Variants in NELFB observed in about 807,000 individuals in gnomAD.
NELFB encodes the protein negative elongation factor B.
A neutral mutation model predicts 60.2 loss-of-function variants in NELFB; 34 were observed. That is an observed-to-expected ratio of 0.56 (90% CI 0.43 to 0.75). The LOEUF is 0.75. NELFB is among the 30% of genes least tolerant of loss of function. The pLI is 0.00. For synonymous variants in NELFB, 459 were observed against 382.1 expected (o/e 1.20, Z -2.35); for missense variants, 770 against 831.6 (o/e 0.93, Z 0.91).
Position 137,256,961 on chromosome 9 carries a change from C to A in NELFB, c.648C>A (p.Tyr216Ter). Residue 216 changes from tyrosine to a stop codon, truncating the protein, a stop_gained, in exon 4 of 13, where the codon TAC (tyrosine) becomes TAA (stop). Coordinates refer to ENST00000343053, the MANE Select transcript of NELFB (RefSeq NM_015456.5). LOFTEE classifies it high-confidence loss of function. ...AGGTTTCCCCACTCCTGAAGCAGTA[C>A]ATCCTGGAGAAGGAGAGCGCTCTCT... 1 of 1,614,186 alleles carries A rather than the reference C, an allele frequency of 6.2e-7. No homozygotes were observed. The highest frequency in any genetic ancestry group is 1.1e-5 in the South Asian group (1 of 91,090).
At position 137,267,051 on chromosome 9, in the gene NELFB, C is replaced by T; in HGVS notation, c.1347C>T (p.Val449=). 1 of 1,614,106 alleles carries T rather than the reference C, an allele frequency of 6.2e-7. No homozygotes were observed. Among genetic ancestry groups the T allele is most frequent in the Non-Finnish European group, 8.5e-7 (1 of 1,180,020 alleles). Residue 449 remains valine, a synonymous_variant, in exon 9 of 13, where the codon GTC becomes GTT. Coordinates refer to ENST00000343053, the MANE Select transcript of NELFB (RefSeq NM_015456.5). ...TTCCGGCTGAGGAGAAAGCCCCAGT[C>T]TCATATCCAAACACACTTCCCGAAA...
Position 137,263,145 on chromosome 9 carries a change from A to G in NELFB, c.850A>G (p.Thr284Ala), listed in dbSNP as rs756259104. ...GCGCACGCGGAATGTGCACTACTGC[A>G]CGCTGCGGGCTGAGCTGCTCATGTC... The change falls in exon 5 of 13, where the codon ACG becomes GCG. Residue 284 changes from threonine to alanine, a missense_variant. Thr to Ala is a moderately conservative substitution (Grantham distance 58, BLOSUM62 0). Transcript: ENST00000343053. The G allele has an allele frequency of 1.9e-6, 3 of 1,614,082 alleles. No homozygotes were observed. The highest frequency in any genetic ancestry group is 3.3e-5 in the Admixed American group (2 of 60,030).
At chr9:137,258,229 T>C (rs1471487624) in intron 4 of NELFB, among the ~76,000 whole-genome samples, 3 of 145,312 alleles carry the variant, frequency 2.1e-5, no homozygotes, top group Non-Finnish European at 4.5e-5. Context: ...ACTCAAGCAA[T>C]CCTCCTACCT....
chr9:137,257,302 C>T (rs1250232055), intron 4 of NELFB, among the ~76,000 whole-genome samples: 6 of 152,212 alleles, frequency 3.9e-5, no homozygotes, highest in African/African-American at 1.2e-4. Flanking sequence ...AAAGCCCGCT[C>T]ATGTGAAGTT....
At chr9:137,272,402 C>T in intron 11 of NELFB, 105 bp from the exon 12 acceptor site, 3 of 1,441,070 alleles carry the variant, frequency 2.1e-6, no homozygotes, top group Admixed American at 2.2e-5. Context: ...GTCCCAAAGG[C>T]TGGCCATGTC....
At position 137,258,623 on chromosome 9, in the gene NELFB, A is replaced by AT. The variant is rs541963957; in HGVS notation, c.741+1576dup. 3.5e-3 allele frequency among the ~76,000 whole-genome samples: 528 copies of AT among 150,784 alleles called. 5 individuals carry two copies. Among genetic ancestry groups the AT allele is most frequent in the African/African-American group, 0.013 (518 of 40,996 alleles). On this transcript the variant is annotated intron_variant, in intron 4 of 12. Coordinates refer to ENST00000343053, the MANE Select transcript of NELFB (RefSeq NM_015456.5). ...CCCACCATGCCTGGCTAATTTTTTT[A>AT]TTTTTTTGTTTAGTACAGACAGGGT...
Position 137,265,987 on chromosome 9 carries a change from T to C in NELFB, c.1143+8T>C. On this transcript the variant is annotated splice_region_variant and intron_variant, in intron 7 of 12. Coordinates refer to ENST00000343053, the MANE Select transcript of NELFB (RefSeq NM_015456.5). Reference sequence around the variant, plus strand: ...CAGGAGACACTGCCCAGGGTGAGTGTGGGCTTGGCCAGCAGCTGTCGGGGC... The same window carrying C: ...CAGGAGACACTGCCCAGGGTGAGTGCGGGCTTGGCCAGCAGCTGTCGGGGC... 6.2e-7 allele frequency: 1 copy of C among 1,603,842 alleles called. No homozygotes were observed. The highest frequency in any genetic ancestry group is 2.2e-5 in the East Asian group (1 of 44,820).
chr9:137,261,331 C>A (rs142526308), intron 4 of NELFB, among the ~76,000 whole-genome samples: 3 of 130,816 alleles, frequency 2.3e-5, no homozygotes, highest in Admixed American at 1.7e-4. Flanking sequence ...CAGAGCACGA[C>A]TCGGTTTCAA....
chr9:137,259,279 G>A (rs1013959645), intron 4 of NELFB, among the ~76,000 whole-genome samples: 3 of 152,224 alleles, frequency 2.0e-5, no homozygotes, highest in Admixed American at 2.0e-4. Flanking sequence ...CATGCTTAGA[G>A]CCCATCTGAA....
In NELFB at chr9:137,266,240, G is replaced by C. The variant is rs575623861; in HGVS notation, c.1144-91G>C. The C allele has an allele frequency of 1.0e-4, 117 of 1,160,548 alleles. 1 individual carries two copies. The East Asian group carries it at 1.4e-3, about 14-fold the overall frequency. 71.9% of individuals were successfully genotyped at this position (1,160,548 alleles called of 1,614,324 possible). A position where few individuals can be genotyped will look rare whatever the true frequency, so the allele number is the denominator to read the frequency against. The stretch of plus-strand genomic sequence containing the variant: ...CGTGTGGTCCTGGCCATGGGCACCA[G>C]AGATCCTGCTGAGTAACGAGTAGGG... On this transcript the variant is annotated intron_variant, in intron 7 of 12. Coordinates refer to ENST00000343053, the MANE Select transcript of NELFB (RefSeq NM_015456.5).
chr9:137,256,601 G>T (rs150838037), intron 3 of NELFB, among the ~76,000 whole-genome samples, 173 bp downstream of exon 3: 7 of 152,222 alleles, frequency 4.6e-5, no homozygotes, highest in African/African-American at 1.7e-4. Context: ...CGTGGAGACC[G>T]AACCTTAGCA....
At position 137,256,138 on chromosome 9, in the gene NELFB, G is replaced by C; in HGVS notation, c.410+68G>C. The C allele has an allele frequency of 2.6e-6, 4 of 1,533,322 alleles. No homozygotes were observed. The South Asian group carries it at 4.5e-5, about 17-fold the overall frequency. The allele number at this position is 1,533,322 out of a possible 1,614,324, so 95.0% of individuals were successfully genotyped here. On this transcript the variant is annotated intron_variant, in intron 2 of 12. Transcript: ENST00000343053. ...CCTCTCAGCCTTGGATCGACTCAGGGGCATTTATTGTCCTTTTGGCTCCAC... is the reference window on the plus strand; with the variant it reads ...CCTCTCAGCCTTGGATCGACTCAGGCGCATTTATTGTCCTTTTGGCTCCAC...
intron 10 of NELFB, among the ~76,000 whole-genome samples, chr9:137,270,115 G>A (rs1371936334): frequency 6.6e-6 from 1 of 152,096 alleles, no homozygotes. Context: ...ACGATGTCTG[G>A]GTGTAAATCT....
chr9:137,267,219 C>T (rs1353697290), intron 9 of NELFB, 21 bp from the exon 10 acceptor site: 7 of 1,605,854 alleles, frequency 4.4e-6, no homozygotes, highest in Non-Finnish European at 6.0e-6. Context: ...TGAGGTGGGG[C>T]TGATGGCGCC....
chr9:137,255,829 G>C, intron 1 of NELFB, 78 bp from the exon 2 acceptor site: 1 of 1,569,598 alleles, frequency 6.4e-7, no homozygotes, highest in Admixed American at 1.7e-5. Flanking sequence ...ACCTGGGTGC[G>C]TGCCTCCCTG....
rs1399120218 is a variant in NELFB, at chr9:137,255,555, C to T, written c.190C>T (p.Leu64=). Residue 64 remains leucine (L), a synonymous_variant, in exon 1 of 13, where the codon CTG becomes TTG. Coordinates refer to ENST00000343053, the MANE Select transcript of NELFB (RefSeq NM_015456.5). Reference sequence around the variant, plus strand: ...CCTGGGCGTGGCCAACGGCGAGGACCTGAAGGAGACCCTGACCAACTGCAC... The same window carrying T: ...CCTGGGCGTGGCCAACGGCGAGGACTTGAAGGAGACCCTGACCAACTGCAC... The T allele has an allele frequency of 3.2e-6, 5 of 1,549,292 alleles. No individual in the cohort carries two copies. Among genetic ancestry groups the T allele is most frequent in the South Asian group, 2.4e-5 (2 of 83,956 alleles).
intron 4 of NELFB, among the ~76,000 whole-genome samples, chr9:137,259,508 G>A (rs1303864668): frequency 3.3e-5 from 5 of 152,126 alleles, no homozygotes; most frequent in Non-Finnish European, 4.4e-5. Flanking sequence ...GCTAACTGTG[G>A]GGTGCCCTGC....
chr9:137,272,759 C>T, intron 12 of NELFB, 23 bp from the exon 13 acceptor site: 1 of 1,531,888 alleles, frequency 6.5e-7, no homozygotes, highest in South Asian at 1.2e-5. Context: ...GCCTCGCCTG[C>T]CCCATGGTGT....
At chr9:137,260,420 A>T (rs13283653) in intron 4 of NELFB, among the ~76,000 whole-genome samples, 3 of 74,482 alleles carry the variant, frequency 4.0e-5, no homozygotes, top group East Asian at 6.5e-4. Flanking sequence ...TTTTATTTTA[A>T]TTTTATATTT....
Sources: allele counts gnomAD v4.1 joint callset (sites outside exome capture counted in the v4.1 genomes callset), GRCh38; gene constraint gnomAD v4.1.1; transcripts MANE v1.5; gene names NCBI Gene and HGNC (gene_info 2026-07-23, HGNC 2026-07-21).